EXO1: variants seen among roughly 807,000 people sequenced by gnomAD.
EXO1 encodes the protein exonuclease 1.
In EXO1, 69 loss-of-function variants were observed where a neutral mutation model predicts 84.5. That is an observed-to-expected ratio of 0.82 (90% CI 0.67 to 1.00). The LOEUF is 1.00. Ranked by LOEUF, EXO1 falls within the 50% of genes least tolerant of loss-of-function variation. EXO1 has a pLI of 0.00. For missense variants in EXO1, 1,045 were observed against 1,000.7 expected, an observed-to-expected ratio of 1.04 and a Z score of -0.60; for synonymous variants, 373 against 366.1, an observed-to-expected ratio of 1.02 and a Z score of -0.21.
chr1:241,866,763 T>C, intron 10 of EXO1, 67 bp from the exon 11 acceptor site: 1 of 1,169,828 alleles, frequency 8.5e-7, no homozygotes, highest in Non-Finnish European at 1.3e-6. Context: ...TAATTTATGT[T>C]GATACAGAAG....
intron 6 of EXO1, among the ~76,000 whole-genome samples, chr1:241,855,487 C>A (rs1295897301): frequency 1.3e-5 from 2 of 152,232 alleles, no homozygotes; most frequent in Non-Finnish European, 2.9e-5. Context: ...TTCTCCAAGG[C>A]CCCACCAGAC....
intron 11 of EXO1, among the ~76,000 whole-genome samples, chr1:241,867,325 A>G (rs1661806921): frequency 6.6e-6 from 1 of 152,182 alleles, no homozygotes; most frequent in Non-Finnish European, 1.5e-5. Flanking sequence ...GTAGCAAACG[A>G]GAAGAATGAG....
At position 241,867,890 on chromosome 1, in the gene EXO1, G is replaced by A. The variant is rs565543864; in HGVS notation, c.1267+835G>A. ...AGTTTTCTTTTGAAAAGTTGTTTTG[G>A]CTATTCTGTGTTTTTCACGTTTCCA... is the stretch of plus-strand genomic sequence containing the variant. On this transcript the variant is annotated intron_variant, in intron 11 of 15. Transcript: ENST00000366548. Among the ~76,000 whole-genome samples the A allele has an allele frequency of 3.3e-5, 5 of 152,024 alleles. No individual in the cohort carries two copies. The South Asian group carries it at 1.0e-3, about 32-fold the overall frequency.
chr1:241,879,167 G>A lies in EXO1; in HGVS notation c.1933G>A (p.Glu645Lys), dbSNP rs1180469500. The A allele has an allele frequency of 6.2e-7, 1 of 1,607,808 alleles. No individual in the cohort carries two copies. Among genetic ancestry groups the A allele is most frequent in the South Asian group, 1.1e-5 (1 of 91,006 alleles). ...RKSDSPTSLP[E>K]NNMSDVSQLK... is the part of the protein sequence containing the mutation. ...GAGCGATTCCCCCACCTCTTTGCCTGAGAATAATATGTCTGATGTGTCGCA... is the reference window on the plus strand; with the variant it reads ...GAGCGATTCCCCCACCTCTTTGCCTAAGAATAATATGTCTGATGTGTCGCA... Residue 645 changes from glutamate (E) to lysine (K), a missense_variant, in exon 13 of 16, where the codon GAG becomes AAG. Physicochemically the swap from Glu to Lys is moderately conservative, Grantham distance 56. Transcript: ENST00000366548.
chr1:241,873,193 T>G (rs1662210223), intron 12 of EXO1, among the ~76,000 whole-genome samples: 1 of 152,148 alleles, frequency 6.6e-6, no homozygotes, highest in South Asian at 2.1e-4. Flanking sequence ...CATTTAACAT[T>G]AGGTATATCT....
chr1:241,851,392 T>C (rs912077993), intron 4 of EXO1, among the ~76,000 whole-genome samples: 1 of 152,220 alleles, frequency 6.6e-6, no homozygotes, highest in Non-Finnish European at 1.5e-5. Flanking sequence ...GATAACAATG[T>C]AGTGAGTCTT....
intron 3 of EXO1, 21 bp from the exon 4 acceptor site, chr1:241,850,388 C>T (rs1322936996): frequency 6.7e-7 from 1 of 1,490,804 alleles, no homozygotes; most frequent in Admixed American, 1.7e-5. Context: ...TTACTGTTCT[C>T]CCTGTCTCTT....
In EXO1 at chr1:241,889,377, A is replaced by G. The variant is rs190067041; in HGVS notation, c.2406-88A>G. On this transcript the variant is annotated intron_variant, in intron 15 of 15. Transcript: ENST00000366548. ...TACAGTAAAGGGTCTTATCCTCTTC[A>G]TGTCCCTCTATTTTGTCCAGGTAGA... 2.2e-4 allele frequency: 255 copies of G among 1,178,718 alleles called. No individual in the cohort carries two copies. In the Middle Eastern group the frequency reaches 2.6e-3, roughly 12 times the overall value. 73.0% of individuals were successfully genotyped at this position (1,178,718 alleles called of 1,614,324 possible).
intron 6 of EXO1, among the ~76,000 whole-genome samples, chr1:241,855,378 T>A (rs886449734): frequency 6.6e-6 from 1 of 152,112 alleles, no homozygotes; most frequent in Non-Finnish European, 1.5e-5. Context: ...TCACAAACCC[T>A]GAGCTAGACA....
intron 12 of EXO1, among the ~76,000 whole-genome samples, chr1:241,876,345 G>T (rs1015837390): frequency 2.6e-5 from 4 of 152,164 alleles, no homozygotes; most frequent in Admixed American, 2.6e-4. Flanking sequence ...ACTCTGGGAG[G>T]CCGAGGAGGG....
intron 14 of EXO1, 42 bp downstream of exon 14, chr1:241,882,059 T>G (rs1171290852): frequency 1.1e-6 from 1 of 943,096 alleles, no homozygotes; most frequent in Admixed American, 1.8e-5. Flanking sequence ...TCAGAAGCGG[T>G]GTATGCTTAC....
At chr1:241,850,020 G>A (rs1244233444) in intron 3 of EXO1, among the ~76,000 whole-genome samples, 4 of 152,234 alleles carry the variant, frequency 2.6e-5, no homozygotes, top group African/African-American at 7.2e-5. Flanking sequence ...GGTGGCTCAC[G>A]CCTGTAATCC....
intron 15 of EXO1, among the ~76,000 whole-genome samples, chr1:241,886,596 A>G (rs951921660): frequency 6.6e-6 from 1 of 152,204 alleles, no homozygotes; most frequent in Non-Finnish European, 1.5e-5. Flanking sequence ...ATATGACAGC[A>G]GTTTTCAAAC....
At chr1:241,874,833 C>T (rs1165945287) in intron 12 of EXO1, among the ~76,000 whole-genome samples, 1 of 152,096 alleles carries the variant, frequency 6.6e-6, no homozygotes, top group Non-Finnish European at 1.5e-5. Flanking sequence ...GTAAGTAACT[C>T]GTATTATGTT....
chr1:241,855,849 G>A (rs1037964497), intron 6 of EXO1, among the ~76,000 whole-genome samples: 3 of 152,238 alleles, frequency 2.0e-5, no homozygotes, highest in Non-Finnish European at 2.9e-5. Context: ...GCCTGGGGCC[G>A]ACAGGGCCGG....
At position 241,849,181 on chromosome 1, in the gene EXO1, C is replaced by G. The variant is rs1179661406; in HGVS notation, c.-53C>G. On this transcript the variant is annotated 5_prime_UTR_variant, in exon 3 of 16. Coordinates refer to ENST00000366548, the MANE Select transcript of EXO1 (RefSeq NM_130398.4). Reference sequence around the variant, plus strand: ...CCTCTGAAATTTGAGAACTGCTGGACCAGAGCCTTTAGAGCTCTGATAAGG... The same window carrying G: ...CCTCTGAAATTTGAGAACTGCTGGAGCAGAGCCTTTAGAGCTCTGATAAGG... 1.3e-5 allele frequency: 2 copies of G among 152,218 alleles called. No homozygotes were observed. Among genetic ancestry groups the G allele is most frequent in the African/African-American group, 2.4e-5 (1 of 41,450 alleles). 9.4% of individuals were successfully genotyped at this position (152,218 alleles called of 1,614,324 possible).
chr1:241,860,681 T>G lies in EXO1; in HGVS notation c.921T>G (p.Pro307=). The G allele has an allele frequency of 6.2e-7, 1 of 1,613,832 alleles. No individual in the cohort carries two copies. ...ACGCCTATGAAGATGATGTTGATCC[T>G]GAAACACTAAGCTACGCTGGGCAGT... ...PLNAYEDDVD[P]ETLSYAGQYV... The change falls in exon 9 of 16, where the codon CCT becomes CCG. Residue 307 remains proline, a synonymous_variant. Transcript: ENST00000366548.
chr1:241,862,603 A>G (rs926422461), intron 10 of EXO1, among the ~76,000 whole-genome samples: 13 of 152,272 alleles, frequency 8.5e-5, no homozygotes, highest in African/African-American at 2.9e-4. Flanking sequence ...ACATGCTTCT[A>G]TTCTTTTCTG....
intron 9 of EXO1, among the ~76,000 whole-genome samples, chr1:241,861,197 T>G (rs1287831369): frequency 6.6e-6 from 1 of 152,214 alleles, no homozygotes; most frequent in Non-Finnish European, 1.5e-5. Context: ...GCCTGGGCCC[T>G]CGTCAGAAGA....
Sources: allele counts gnomAD v4.1 joint callset (sites outside exome capture counted in the v4.1 genomes callset), GRCh38; gene constraint gnomAD v4.1.1; transcripts MANE v1.5; gene names NCBI Gene and HGNC (gene_info 2026-07-23, HGNC 2026-07-21).